The following GNB4 variants were observed in gnomAD, a reference collection of about 807,000 sequenced individuals.
GNB4 encodes G protein subunit beta 4.
Under a neutral mutation model 45.2 loss-of-function variants are expected in GNB4, and 28 were observed. The ratio of observed to expected loss-of-function variants is 0.62; its 90% confidence interval spans 0.46 to 0.85. GNB4 has a LOEUF of 0.85. Ranked by LOEUF, GNB4 falls within the 40% of genes least tolerant of loss-of-function variation. The pLI, the probability that GNB4 is intolerant of heterozygous loss-of-function variation, is 0.00. For synonymous variants in GNB4, 132 were observed against 143.7 expected (o/e 0.92, Z 0.58); for missense variants, 321 against 425.4 (o/e 0.75, Z 2.16).
chr3:179,479,293 G>A, the GNB4 span, among the ~76,000 whole-genome samples: 1 of 152,072 alleles, frequency 6.6e-6, no homozygotes, highest in Admixed American at 6.5e-5. Context: ...AATCCTTGGT[G>A]CCCATTTTAT....
the GNB4 span, among the ~76,000 whole-genome samples, chr3:179,466,013 T>A: frequency 1.6e-4 from 23 of 148,196 alleles, no homozygotes; most frequent in East Asian, 4.1e-3. Context: ...AGTCGTTTTT[T>A]TTTTTTTTTT....
the GNB4 span, among the ~76,000 whole-genome samples, chr3:179,510,625 T>C: frequency 7.2e-5 from 11 of 151,768 alleles, no homozygotes; most frequent in Admixed American, 3.3e-4. Flanking sequence ...ACATTTCTCA[T>C]GTACAGACTT....
At chr3:179,507,047 A>G in the GNB4 span, among the ~76,000 whole-genome samples, 1 of 152,186 alleles carries the variant, frequency 6.6e-6, no homozygotes, top group African/African-American at 2.4e-5. Context: ...ACACCCACCC[A>G]GCGGACCAAA....
chr3:179,442,494 T>C (rs913091784), intron 1 of GNB4, among the ~76,000 whole-genome samples: 1 of 152,216 alleles, frequency 6.6e-6, no homozygotes, highest in African/African-American at 2.4e-5. Context: ...AAATTATGAT[T>C]ATGTAAATTT....
chr3:179,461,920 C>T, the GNB4 span, among the ~76,000 whole-genome samples: 20,968 of 152,080 alleles, frequency 0.14, 1,585 homozygotes, highest in East Asian at 0.22. Context: ...CTAATCCATC[C>T]GATATATTAT....
Position 179,401,165 on chromosome 3 carries a change from A to C in GNB4, c.*48T>G, listed in dbSNP as rs890419309. The C allele has an allele frequency of 2.2e-6, 3 of 1,346,258 alleles. No individual in the cohort carries two copies. In the African/African-American group the frequency reaches 4.4e-5, roughly 20 times the overall value. 83.4% of individuals were successfully genotyped at this position (1,346,258 alleles called of 1,614,324 possible). Reference sequence around the variant, plus strand: ...TTTTTTCACAGCTATAGGCTGTAGCATTGATTTCTCCAGATATATCAATGG... The same window carrying C: ...TTTTTTCACAGCTATAGGCTGTAGCCTTGATTTCTCCAGATATATCAATGG... On this transcript the variant is annotated 3_prime_UTR_variant, in exon 10 of 10. Transcript: ENST00000232564.
chr3:179,438,566 G>A (rs1410723327), intron 1 of GNB4, among the ~76,000 whole-genome samples: 1 of 152,190 alleles, frequency 6.6e-6, no homozygotes, highest in Non-Finnish European at 1.5e-5. Context: ...AGATCTAATA[G>A]TACAGTGCTC....
chr3:179,465,962 C>A, the GNB4 span, among the ~76,000 whole-genome samples: 1 of 147,146 alleles, frequency 6.8e-6, no homozygotes, highest in Admixed American at 6.8e-5. Context: ...CACGCCCAAA[C>A]AGAGGTTTAA....
Position 179,405,348 on chromosome 3 carries a change from A to G in GNB4, c.758T>C (p.Phe253Ser). 1 of 1,614,072 alleles carries G rather than the reference A, an allele frequency of 6.2e-7. No homozygotes were observed. Among genetic ancestry groups the G allele is most frequent in the Non-Finnish European group, 8.5e-7 (1 of 1,179,896 alleles). Residue 253 changes from phenylalanine to serine, a missense_variant, in exon 9 of 10, where the codon TTT becomes TCT. Coordinates refer to ENST00000232564, the MANE Select transcript of GNB4 (RefSeq NM_021629.4). ...TAACTCTTGATCTGCACGAAGGTCAAAGAGCCGGCAAGTGGCATCATCAGA... is the reference window on the plus strand; with the variant it reads ...TAACTCTTGATCTGCACGAAGGTCAGAGAGCCGGCAAGTGGCATCATCAGA... ...TGSDDATCRL[F>S]DLRADQELLL...
the GNB4 span, among the ~76,000 whole-genome samples, chr3:179,493,229 G>A: frequency 6.6e-6 from 1 of 152,072 alleles, no homozygotes; most frequent in Non-Finnish European, 1.5e-5. Flanking sequence ...CAACTCCAAA[G>A]AAATGAAGAG....
chr3:179,497,645 A>G, the GNB4 span, among the ~76,000 whole-genome samples: 654 of 152,294 alleles, frequency 4.3e-3, 3 homozygotes, highest in African/African-American at 0.015. Context: ...GAACTCATAC[A>G]TAACTCTAAA....
intron 1 of GNB4, among the ~76,000 whole-genome samples, chr3:179,440,876 TAGATAGAG>T (rs1715576889): frequency 9.0e-6 from 1 of 110,698 alleles, no homozygotes; most frequent in Admixed American, 9.5e-5. Context: ...TATATATAGA[TAGATAGAG>T]AGAGAGAGAG....
At chr3:179,514,147 A>G in the GNB4 span, among the ~76,000 whole-genome samples, 1 of 152,216 alleles carries the variant, frequency 6.6e-6, no homozygotes, top group Non-Finnish European at 1.5e-5. Context: ...AAAGGAGCAC[A>G]CTGTGCCATG....
rs569166608 is a variant in GNB4, at chr3:179,398,673, A to G, written c.*2540T>C. On this transcript the variant is annotated 3_prime_UTR_variant, in exon 10 of 10. Coordinates refer to ENST00000232564, the MANE Select transcript of GNB4 (RefSeq NM_021629.4). Reference sequence around the variant, plus strand: ...TATATACTCATTGAATTCAGGAACAATAACAGAATTCAACAATCAGCTCAA... The same window carrying G: ...TATATACTCATTGAATTCAGGAACAGTAACAGAATTCAACAATCAGCTCAA... The G allele has an allele frequency of 2.5e-4, 38 of 152,376 alleles. No homozygotes were observed. The highest frequency in any genetic ancestry group is 9.1e-4 in the African/African-American group (38 of 41,596). 9.4% of individuals were successfully genotyped at this position (152,376 alleles called of 1,614,324 possible).
the GNB4 span, among the ~76,000 whole-genome samples, chr3:179,480,104 C>A: frequency 6.6e-6 from 1 of 152,178 alleles, no homozygotes; most frequent in African/African-American, 2.4e-5. Context: ...GACTCTTTTG[C>A]TCTTGCCCTC....
intron 8 of GNB4, chr3:179,410,634 AC>A (rs1714625208): frequency 6.6e-6 from 1 of 152,158 alleles, no homozygotes; most frequent in South Asian, 2.1e-4. Context: ...GATTAGTGTC[AC>A]CCAATCCATT....
At chr3:179,502,228 CTT>C in the GNB4 span, among the ~76,000 whole-genome samples, 73 of 73,446 alleles carry the variant, frequency 9.9e-4, no homozygotes, top group East Asian at 2.0e-3. Context: ...TTTTTCTTTT[CTT>C]TTTTTTTTTT....
At chr3:179,428,401 G>A (rs58167439) in intron 1 of GNB4, among the ~76,000 whole-genome samples, 6,346 of 152,166 alleles carry the variant, frequency 0.042, 334 homozygotes, top group African/African-American at 0.12. Flanking sequence ...GATTACAGCC[G>A]GTCTGGAATC....
At chr3:179,505,398 A>T in the GNB4 span, among the ~76,000 whole-genome samples, 1 of 152,274 alleles carries the variant, frequency 6.6e-6, no homozygotes, top group South Asian at 2.1e-4. Flanking sequence ...AAAAACTTTT[A>T]GATCTGCATC....
Sources: allele counts gnomAD v4.1 joint callset (sites outside exome capture counted in the v4.1 genomes callset), GRCh38; gene constraint gnomAD v4.1.1; transcripts MANE v1.5; gene names NCBI Gene and HGNC (gene_info 2026-07-23, HGNC 2026-07-21).